Variants in KCNJ6 observed in about 807,000 individuals in gnomAD.
KCNJ6 encodes the protein G protein-activated inward rectifier potassium channel 2.
In KCNJ6, 9 loss-of-function variants were observed where a neutral mutation model predicts 34.2. The ratio of observed to expected loss-of-function variants is 0.26; its 90% CI spans 0.16 to 0.46. KCNJ6 has a LOEUF of 0.46. KCNJ6 is among the 20% of genes least tolerant of loss of function. The probability of loss-of-function intolerance (pLI) is 1.00; values close to 1 mark genes in which losing one functional copy is unlikely to be tolerated. For synonymous variants in KCNJ6, 196 were observed against 207.1 expected, an observed-to-expected ratio of 0.95 and a Z score of 0.46; for missense variants, 236 against 531.3, an observed-to-expected ratio of 0.44 and a Z score of 5.46.
chr21:37,862,018 T>C (rs979877329), intron 1 of KCNJ6, among the ~76,000 whole-genome samples: 36 of 152,264 alleles, frequency 2.4e-4, no homozygotes, highest in African/African-American at 7.9e-4. Context: ...TCCACTCTAA[T>C]CAAACAAGCC....
At chr21:37,789,964 G>A (rs2055209535) in intron 2 of KCNJ6, among the ~76,000 whole-genome samples, 1 of 152,144 alleles carries the variant, frequency 6.6e-6, no homozygotes, top group African/African-American at 2.4e-5. Flanking sequence ...CCAGGTGTGT[G>A]AGTGATAGAG....
intron 2 of KCNJ6, among the ~76,000 whole-genome samples, chr21:37,733,332 TC>T (rs1474662642): frequency 1.4e-5 from 2 of 147,196 alleles, no homozygotes; most frequent in Non-Finnish European, 3.0e-5. Context: ...CGTTGGTATT[TC>T]GGGGGTCTTT....
intron 2 of KCNJ6, among the ~76,000 whole-genome samples, chr21:37,793,937 T>C (rs1240435340): frequency 6.6e-6 from 1 of 152,260 alleles, no homozygotes. Flanking sequence ...TAAAGGATAA[T>C]GCATCTATTT....
intron 1 of KCNJ6, among the ~76,000 whole-genome samples, chr21:37,908,026 T>C (rs1237820946): frequency 6.6e-6 from 1 of 152,260 alleles, no homozygotes; most frequent in African/African-American, 2.4e-5. Flanking sequence ...AAGAGTTTTC[T>C]AATCCAGTAT....
At chr21:37,640,204 T>C (rs1208135747) in intron 3 of KCNJ6, among the ~76,000 whole-genome samples, 1 of 152,268 alleles carries the variant, frequency 6.6e-6, no homozygotes, top group East Asian at 1.9e-4. Flanking sequence ...AATCACTTAA[T>C]GCATTCATTT....
At chr21:37,666,185 G>A (rs1291825865) in intron 3 of KCNJ6, among the ~76,000 whole-genome samples, 2 of 152,186 alleles carry the variant, frequency 1.3e-5, no homozygotes, top group Admixed American at 6.5e-5. Flanking sequence ...GGGAGAAGAT[G>A]GGTACACAGG....
intron 1 of KCNJ6, among the ~76,000 whole-genome samples, chr21:37,886,467 T>C (rs1168421130): frequency 6.6e-6 from 1 of 152,204 alleles, no homozygotes; most frequent in African/African-American, 2.4e-5. Context: ...ATCCTGGGTC[T>C]TTCCAAGCTC....
chr21:37,916,112 C>T lies in KCNJ6; in HGVS notation c.-256G>A, dbSNP rs1412926087. 2.0e-5 allele frequency: 3 copies of T among 152,492 alleles called. No individual in the cohort carries two copies. The highest frequency in any genetic ancestry group is 7.2e-5 in the African/African-American group (3 of 41,442). The allele number at this position is 152,492 out of a possible 1,614,324, so 9.4% of individuals were successfully genotyped here. A position where few individuals can be genotyped will look rare whatever the true frequency, so the allele number is the denominator to read the frequency against. The stretch of plus-strand genomic sequence containing the variant: ...GGCTCCAGGTCCGGCTTCCCGGCGT[C>T]CGCGGGTCTCCACCCCTCCGCCCGC... On this transcript the variant is annotated 5_prime_UTR_variant, in exon 1 of 4. Transcript: ENST00000609713.
At chr21:37,875,284 C>T (rs1394082144) in intron 1 of KCNJ6, among the ~76,000 whole-genome samples, 2 of 152,146 alleles carry the variant, frequency 1.3e-5, no homozygotes, top group African/African-American at 4.8e-5. Flanking sequence ...AGAAGCCTTC[C>T]AGGACTTGAA....
At chr21:37,646,936 G>C (rs955009143) in intron 3 of KCNJ6, among the ~76,000 whole-genome samples, 6 of 152,114 alleles carry the variant, frequency 3.9e-5, no homozygotes, top group African/African-American at 1.4e-4. Context: ...GCCTCCCAAA[G>C]TGCTGGGATT....
At chr21:37,858,083 A>G (rs1202994964) in intron 1 of KCNJ6, among the ~76,000 whole-genome samples, 1 of 152,194 alleles carries the variant, frequency 6.6e-6, no homozygotes, top group African/African-American at 2.4e-5. Flanking sequence ...AAAAATATTT[A>G]GATACATCAT....
At chr21:37,721,956 G>T (rs755790664) in intron 2 of KCNJ6, among the ~76,000 whole-genome samples, 1 of 150,848 alleles carries the variant, frequency 6.6e-6, no homozygotes, top group Non-Finnish European at 1.5e-5. Context: ...GAGCAATCAG[G>T]CAAGGGAAAG....
At chr21:37,629,740 G>A (rs902544895) in intron 3 of KCNJ6, among the ~76,000 whole-genome samples, 2 of 152,196 alleles carry the variant, frequency 1.3e-5, no homozygotes, top group African/African-American at 2.4e-5. Flanking sequence ...GTGGTACTTT[G>A]TTATGGCAGC....
intron 2 of KCNJ6, among the ~76,000 whole-genome samples, chr21:37,791,608 T>C (rs993867499): frequency 6.6e-6 from 1 of 152,216 alleles, no homozygotes; most frequent in East Asian, 1.9e-4. Context: ...AATTCTAGAA[T>C]GATTTTGACC....
At position 37,652,950 on chromosome 21, in the gene KCNJ6, T is replaced by G. The variant is rs573366874; in HGVS notation, c.947-27466A>C. Among the ~76,000 whole-genome samples the G allele has an allele frequency of 1.6e-4, 25 of 152,288 alleles. No homozygotes were observed. The South Asian group carries it at 5.2e-3, about 32-fold the overall frequency. ...TGAGTGGAGAAAGTTTGAAATGCTCTTTGTGGAGCCTGGGAGAGCACATTG... is the reference window on the plus strand; with the variant it reads ...TGAGTGGAGAAAGTTTGAAATGCTCGTTGTGGAGCCTGGGAGAGCACATTG... On this transcript the variant is annotated intron_variant, in intron 3 of 3. Transcript: ENST00000609713.
At chr21:37,713,241 TA>T (rs1230145464) in intron 3 of KCNJ6, among the ~76,000 whole-genome samples, 2 of 152,066 alleles carry the variant, frequency 1.3e-5, no homozygotes, top group Non-Finnish European at 2.9e-5. Context: ...TCAGACAATA[TA>T]AACCACCTGA....
intron 1 of KCNJ6, among the ~76,000 whole-genome samples, chr21:37,864,323 G>A (rs2055611173): frequency 6.6e-6 from 1 of 152,086 alleles, no homozygotes; most frequent in African/African-American, 2.4e-5. Context: ...GTTGGCCAGG[G>A]TGGTCTTGAA....
chr21:37,677,789 CACCCACCT>C (rs146001534), intron 3 of KCNJ6, among the ~76,000 whole-genome samples: 11 of 150,090 alleles, frequency 7.3e-5, no homozygotes, highest in South Asian at 2.1e-4. Context: ...TCCATCCATC[CACCCACCT>C]ATCCACCCAC....
At chr21:37,846,737 T>C (rs1224298925) in intron 1 of KCNJ6, among the ~76,000 whole-genome samples, 2 of 152,126 alleles carry the variant, frequency 1.3e-5, no homozygotes, top group Non-Finnish European at 2.9e-5. Flanking sequence ...TAAAGAAACA[T>C]TTATGCAAAG....
Sources: allele counts gnomAD v4.1 joint callset (sites outside exome capture counted in the v4.1 genomes callset), GRCh38; gene constraint gnomAD v4.1.1; transcripts MANE v1.5; gene names NCBI Gene and HGNC (gene_info 2026-07-23, HGNC 2026-07-21).